Variants in ST8SIA1 observed in about 807,000 individuals in gnomAD.
The protein encoded by ST8SIA1 is ST8 alpha-N-acetyl-neuraminide alpha-2,8-sialyltransferase 1, also known as alpha-N-acetylneuraminide alpha-2,8-sialyltransferase.
ST8SIA1 carries 16 observed loss-of-function variants against 35.9 expected under a neutral mutation model. That is an observed-to-expected ratio of 0.45 (90% CI 0.30 to 0.68). The LOEUF (loss-of-function observed/expected upper bound fraction) is 0.68, where lower values mean the gene tolerates loss of function less well. Ranked by LOEUF, ST8SIA1 falls within the 30% of genes least tolerant of loss-of-function variation. The probability of loss-of-function intolerance (pLI) is 0.09; values close to 1 mark genes in which losing one functional copy is unlikely to be tolerated. For missense variants in ST8SIA1, 383 were observed against 453.6 expected (o/e 0.84, Z 1.41); for synonymous variants, 170 against 169.6 (o/e 1.00, Z -0.02).
chr12:22,285,299 C>T (rs568334484), intron 2 of ST8SIA1, among the ~76,000 whole-genome samples: 1 of 152,292 alleles, frequency 6.6e-6, no homozygotes, highest in Non-Finnish European at 1.5e-5. Context: ...TTGGGGCTTC[C>T]CAGTCCCTAG....
chr12:22,201,814 G>A lies in ST8SIA1; in HGVS notation c.809C>T (p.Ala270Val). 1 of 1,614,154 alleles carries A rather than the reference G, an allele frequency of 6.2e-7. No individual in the cohort carries two copies. The highest frequency in any genetic ancestry group is 1.1e-5 in the South Asian group (1 of 91,092). Residue 270 changes from alanine (A) to valine (V), a missense_variant, in exon 5 of 5, where the codon GCC becomes GTC. Transcript: ENST00000396037. Reference sequence around the variant, plus strand: ...AAAAAGTCCTGTGGACAGGCGCTTGGCATGGATTCCTCTACTTTTCCAGAA... The same window carrying A: ...AAAAAGTCCTGTGGACAGGCGCTTGACATGGATTCCTCTACTTTTCCAGAA... ...GKFWKSRGIH[A>V]KRLSTGLFLV...
At chr12:22,317,847 T>G (rs186287151) in intron 1 of ST8SIA1, among the ~76,000 whole-genome samples, 1 of 152,332 alleles carries the variant, frequency 6.6e-6, no homozygotes, top group African/African-American at 2.4e-5. Flanking sequence ...TTAGAGGTTG[T>G]GCATCACCAT....
chr12:22,271,471 A>G (rs1372559559), intron 2 of ST8SIA1, among the ~76,000 whole-genome samples: 7 of 152,214 alleles, frequency 4.6e-5, no homozygotes, highest in African/African-American at 1.4e-4. Flanking sequence ...CAATTACAGC[A>G]TCAGAGGATT....
chr12:22,306,222 T>C (rs1728218666), intron 1 of ST8SIA1, among the ~76,000 whole-genome samples: 1 of 152,188 alleles, frequency 6.6e-6, no homozygotes, highest in Non-Finnish European at 1.5e-5. Context: ...CAAGCTGTGC[T>C]CTGACCACCT....
At chr12:22,234,832 A>G (rs770735791) in intron 4 of ST8SIA1, among the ~76,000 whole-genome samples, 1 of 152,178 alleles carries the variant, frequency 6.6e-6, no homozygotes, top group African/African-American at 2.4e-5. Context: ...ATGTTAAAAT[A>G]TTAAAAACTG....
chr12:22,264,942 C>G (rs572388964), intron 2 of ST8SIA1, among the ~76,000 whole-genome samples: 1 of 152,116 alleles, frequency 6.6e-6, no homozygotes, highest in African/African-American at 2.4e-5. Context: ...TGCTATTTGC[C>G]TATTAAAATT....
chr12:22,286,547 TC>T, intron 2 of ST8SIA1: 1 of 517,132 alleles, frequency 1.9e-6, no homozygotes, highest in African/African-American at 1.9e-5. Context: ...ATTTCCCTTT[TC>T]CCCCCTCTTG....
At chr12:22,270,683 T>C (rs1030597321) in intron 2 of ST8SIA1, among the ~76,000 whole-genome samples, 1 of 152,162 alleles carries the variant, frequency 6.6e-6, no homozygotes, top group Non-Finnish European at 1.5e-5. Context: ...GGCTGGATAA[T>C]GAGAAATTAT....
chr12:22,332,390 G>C (rs1027221288), intron 1 of ST8SIA1, among the ~76,000 whole-genome samples: 1 of 152,080 alleles, frequency 6.6e-6, no homozygotes, highest in Admixed American at 6.6e-5. Context: ...CTCTAAGAGG[G>C]CTTCATTATT....
Position 22,242,561 on chromosome 12 carries a change from G to A in ST8SIA1, c.584+6445C>T, listed in dbSNP as rs536578622. ...GTTAATTAAAAATAATCAAGGGAAT[G>A]ATGGATTTAAAAAATCTTTTAAAGG... On this transcript the variant is annotated intron_variant, in intron 4 of 4. Coordinates refer to ENST00000396037, the MANE Select transcript of ST8SIA1 (RefSeq NM_003034.4). Among the ~76,000 whole-genome samples the A allele has an allele frequency of 2.0e-5, 3 of 152,282 alleles. No homozygotes were observed. In the South Asian group the frequency reaches 6.2e-4, roughly 32 times the overall value.
intron 1 of ST8SIA1, among the ~76,000 whole-genome samples, chr12:22,330,157 T>G (rs1240048168): frequency 6.6e-6 from 1 of 152,142 alleles, no homozygotes; most frequent in African/African-American, 2.4e-5. Context: ...CTCTTACCAC[T>G]ATGCCACCCT....
chr12:22,260,871 G>GTTT (rs201029008), intron 2 of ST8SIA1, among the ~76,000 whole-genome samples: 2 of 97,546 alleles, frequency 2.1e-5, no homozygotes, highest in African/African-American at 7.8e-5. Context: ...TTATATAGTT[G>GTTT]TTGTTTTTTT....
intron 2 of ST8SIA1, among the ~76,000 whole-genome samples, chr12:22,279,853 G>A (rs1325110432): frequency 4.6e-5 from 7 of 152,138 alleles, no homozygotes; most frequent in Non-Finnish European, 1.0e-4. Flanking sequence ...CTACTCAGAA[G>A]TTCTGAACAC....
chr12:22,239,215 T>C (rs1171032241), intron 4 of ST8SIA1, among the ~76,000 whole-genome samples: 1 of 152,218 alleles, frequency 6.6e-6, no homozygotes, highest in Non-Finnish European at 1.5e-5. Context: ...TTGATCTGCT[T>C]GATACTTTGT....
intron 1 of ST8SIA1, among the ~76,000 whole-genome samples, chr12:22,331,081 G>A (rs1289978860): frequency 1.3e-5 from 2 of 152,114 alleles, no homozygotes; most frequent in African/African-American, 4.8e-5. Context: ...GTTCTTCTCT[G>A]AGAATTCAGT....
chr12:22,216,068 T>C (rs1865230912), intron 4 of ST8SIA1, among the ~76,000 whole-genome samples: 1 of 152,202 alleles, frequency 6.6e-6, no homozygotes, highest in Admixed American at 6.5e-5. Flanking sequence ...TATTACGTCA[T>C]GAAAGTTTGG....
chr12:22,202,084 A>T lies in ST8SIA1; in HGVS notation c.585-46T>A, dbSNP rs749141430. On this transcript the variant is annotated intron_variant, in intron 4 of 4. Transcript: ENST00000396037. ...TGTTCAATTAAACCTAGAGAAAAAG[A>T]AACTCACCAAAACCCACTCTGTTGT... 4.6e-6 allele frequency: 7 copies of T among 1,506,388 alleles called. No homozygotes were observed. In the African/African-American group the frequency reaches 8.4e-5, roughly 18 times the overall value. The allele number at this position is 1,506,388 out of a possible 1,614,324, so 93.3% of individuals were successfully genotyped here. A position where few individuals can be genotyped will look rare whatever the true frequency, so the allele number is the denominator to read the frequency against.
At chr12:22,263,110 G>A (rs1191563849) in intron 2 of ST8SIA1, among the ~76,000 whole-genome samples, 1 of 152,208 alleles carries the variant, frequency 6.6e-6, no homozygotes, top group East Asian at 1.9e-4. Context: ...TGGTATTTAT[G>A]AGAATTGAGT....
At chr12:22,249,178 T>C (rs1865637046) in intron 3 of ST8SIA1, 80 bp from the exon 4 acceptor site, 1 of 947,380 alleles carries the variant, frequency 1.1e-6, no homozygotes, top group African/African-American at 1.7e-5. Flanking sequence ...ATAGAAATGT[T>C]ATTAATTCTA....
Sources: allele counts gnomAD v4.1 joint callset (sites outside exome capture counted in the v4.1 genomes callset), GRCh38; gene constraint gnomAD v4.1.1; transcripts MANE v1.5; gene names NCBI Gene and HGNC (gene_info 2026-07-23, HGNC 2026-07-21).